The following RPTOR variants were observed in gnomAD, a reference collection of about 807,000 sequenced individuals.
RPTOR encodes the protein regulatory associated protein of MTOR complex 1.
RPTOR carries 21 observed loss-of-function variants against 169.9 expected under a neutral mutation model. The ratio of observed to expected loss-of-function variants is 0.12; its 90% CI spans 0.09 to 0.18. The LOEUF is 0.18. Among genes scored for constraint, RPTOR ranks in the 10% least tolerant of loss-of-function variants. The pLI is 1.00. For missense variants in RPTOR, 1,133 were observed against 1,855.9 expected (o/e 0.61, Z 7.16); for synonymous variants, 732 against 753.2 (o/e 0.97, Z 0.46).
At chr17:80,579,603 T>C (rs2064997443) in intron 1 of RPTOR, among the ~76,000 whole-genome samples, 1 of 152,182 alleles carries the variant, frequency 6.6e-6, no homozygotes, top group African/African-American at 2.4e-5. Context: ...GATCTAGTCT[T>C]TTCTCTCTCC....
chr17:80,871,109 AT>A (rs964317135), intron 13 of RPTOR, among the ~76,000 whole-genome samples: 2 of 149,908 alleles, frequency 1.3e-5, no homozygotes, highest in Admixed American at 6.7e-5. Flanking sequence ...GATTTGCCCA[AT>A]TTTTTTTTCG....
chr17:80,818,066 C>T (rs9907099), intron 7 of RPTOR, among the ~76,000 whole-genome samples: 24,112 of 152,174 alleles, frequency 0.16, 2,003 homozygotes, highest in Middle Eastern at 0.22. Context: ...TTTGAGGAGG[C>T]GCGGGCCCTG....
intron 5 of RPTOR, among the ~76,000 whole-genome samples, chr17:80,738,022 G>C (rs892249371): frequency 2.6e-5 from 4 of 152,194 alleles, no homozygotes; most frequent in African/African-American, 4.8e-5. Flanking sequence ...TAAGAGGGTG[G>C]GGGGGCAGGG....
At chr17:80,923,843 T>C in intron 23 of RPTOR, 170 bp downstream of exon 23, 1 of 694,900 alleles carries the variant, frequency 1.4e-6, no homozygotes, top group Non-Finnish European at 2.4e-6. Context: ...CGGGTGCTGG[T>C]CCTCACTCGT....
At chr17:80,916,595 C>T (rs554429319) in intron 21 of RPTOR, among the ~76,000 whole-genome samples, 2 of 152,346 alleles carry the variant, frequency 1.3e-5, no homozygotes, top group African/African-American at 2.4e-5. Flanking sequence ...AGTAAAAACT[C>T]GGGCAAAGGC....
At chr17:80,875,626 G>A (rs1200007890) in intron 13 of RPTOR, among the ~76,000 whole-genome samples, 4 of 152,216 alleles carry the variant, frequency 2.6e-5, no homozygotes, top group Non-Finnish European at 4.4e-5. Flanking sequence ...TCACGCTGCC[G>A]GCACCGTGCT....
intron 9 of RPTOR, among the ~76,000 whole-genome samples, chr17:80,824,454 AT>A (rs1198705694): frequency 6.6e-6 from 1 of 152,392 alleles, no homozygotes; most frequent in South Asian, 2.1e-4. Context: ...TAAAATGAAC[AT>A]TTTTTAAAAA....
chr17:80,624,175 T>A (rs570855979), intron 1 of RPTOR, among the ~76,000 whole-genome samples: 1 of 152,318 alleles, frequency 6.6e-6, no homozygotes, highest in African/African-American at 2.4e-5. Flanking sequence ...ACACCAGGTC[T>A]TAGGAATAAT....
intron 7 of RPTOR, among the ~76,000 whole-genome samples, chr17:80,818,102 A>C (rs890626909): frequency 1.3e-5 from 2 of 152,208 alleles, no homozygotes; most frequent in African/African-American, 4.8e-5. Context: ...GGCATCTGCC[A>C]CATCTGTTGT....
chr17:80,688,407 G>A (rs2143733266), intron 3 of RPTOR, among the ~76,000 whole-genome samples: 1 of 152,266 alleles, frequency 6.6e-6, no homozygotes, highest in African/African-American at 2.4e-5. Flanking sequence ...TTTCTCTCTG[G>A]ATCAATAATT....
intron 7 of RPTOR, among the ~76,000 whole-genome samples, chr17:80,797,700 C>T (rs1299737529): frequency 6.6e-6 from 1 of 152,180 alleles, no homozygotes; most frequent in Non-Finnish European, 1.5e-5. Context: ...AGTCAGAGGA[C>T]ACTCCTATAA....
intron 21 of RPTOR, among the ~76,000 whole-genome samples, chr17:80,914,803 T>C (rs2068653610): frequency 6.6e-6 from 1 of 152,188 alleles, no homozygotes; most frequent in Non-Finnish European, 1.5e-5. Context: ...CTGGGTGTTA[T>C]GGATGATGGC....
In RPTOR at chr17:80,681,565, T is replaced by A. The variant is rs9747648; in HGVS notation, c.349-26276T>A. Among the ~76,000 whole-genome samples the A allele has an allele frequency of 4.5e-4, 65 of 143,326 alleles. 1 individual carries two copies. The highest frequency in any genetic ancestry group is 1.7e-3 in the African/African-American group (64 of 38,592). 94.0% of individuals were successfully genotyped at this position (143,326 alleles called of 152,430 possible). The stretch of plus-strand genomic sequence containing the variant: ...GTGTGTGTGGTTCAACATTTCTAGT[T>A]CTCTTACACCTTCATGAGGTGTACG... On this transcript the variant is annotated intron_variant, in intron 3 of 33. Coordinates refer to ENST00000306801, the MANE Select transcript of RPTOR (RefSeq NM_020761.3).
At chr17:80,832,255 G>A (rs981869372) in intron 9 of RPTOR, among the ~76,000 whole-genome samples, 8 of 152,232 alleles carry the variant, frequency 5.3e-5, no homozygotes, top group East Asian at 1.9e-4. Context: ...ATAGGCTGCC[G>A]TGGCCCCAGG....
At chr17:80,811,919 A>G (rs953617578) in intron 7 of RPTOR, among the ~76,000 whole-genome samples, 9 of 148,288 alleles carry the variant, frequency 6.1e-5, no homozygotes, top group Non-Finnish European at 1.0e-4. Flanking sequence ...TACCCACAGG[A>G]CACAGCCACG....
rs568243074 is a variant in RPTOR, at chr17:80,845,355, C to T, written c.1213-1118C>T. 9.9e-5 allele frequency among the ~76,000 whole-genome samples: 15 copies of T among 152,242 alleles called. No homozygotes were observed. The East Asian group carries it at 1.5e-3, about 16-fold the overall frequency. ...CATTTTTTTTGGTCTCCCTCACCCGCGCGCCTTCTCTGTCCAGCTGCAACC... is the reference window on the plus strand; with the variant it reads ...CATTTTTTTTGGTCTCCCTCACCCGTGCGCCTTCTCTGTCCAGCTGCAACC... On this transcript the variant is annotated intron_variant, in intron 10 of 33. Coordinates refer to ENST00000306801, the MANE Select transcript of RPTOR (RefSeq NM_020761.3). The surrounding 1 kb of genome is among the most constrained non-coding windows in gnomAD (Gnocchi z 5.4).
At chr17:80,627,266 C>T (rs1312634233) in intron 2 of RPTOR, among the ~76,000 whole-genome samples, 5 of 152,218 alleles carry the variant, frequency 3.3e-5, no homozygotes, top group East Asian at 1.9e-4. Context: ...GTGATCCACC[C>T]GCCTTGGCCT....
At chr17:80,885,556 T>G (rs1439928173) in intron 17 of RPTOR, among the ~76,000 whole-genome samples, 8 of 152,168 alleles carry the variant, frequency 5.3e-5, no homozygotes, top group Non-Finnish European at 1.2e-4. Flanking sequence ...TTGTTTTTGT[T>G]TTTTTGAGAT....
At chr17:80,600,866 GCCC>G (rs2065180266) in intron 1 of RPTOR, among the ~76,000 whole-genome samples, 10 of 75,676 alleles carry the variant, frequency 1.3e-4, no homozygotes, top group Non-Finnish European at 3.1e-4. Context: ...CGCCGCACGT[GCCC>G]TCTCTGCAGT....
Sources: gnomAD v4.1 joint callset for allele counts (sites outside exome capture counted in the v4.1 genomes callset) on GRCh38, gnomAD v4.1.1 for gene constraint, Gnocchi (gnomAD v3.1) non-coding constraint, MANE v1.5 for transcripts, NCBI Gene and HGNC (gene_info 2026-07-23, HGNC 2026-07-21) for gene names.